ARHGEF7: variants seen among roughly 807,000 people sequenced by gnomAD.
The protein encoded by ARHGEF7 is PAK-interacting exchange factor beta.
A neutral mutation model predicts 109.8 loss-of-function variants in ARHGEF7; 33 were observed. That is an observed-to-expected ratio of 0.30 (90% CI 0.23 to 0.40). The LOEUF (loss-of-function observed/expected upper bound fraction) is 0.40. ARHGEF7 is among the 10% of genes least tolerant of loss of function. The pLI, the probability that ARHGEF7 is intolerant of heterozygous loss-of-function variation, is 1.00. For missense variants in ARHGEF7, 938 were observed against 1,098.5 expected (o/e 0.85, Z 2.07); for synonymous variants, 458 against 424.6 (o/e 1.08, Z -0.97).
At chr13:111,294,466 A>C in intron 19 of ARHGEF7, 1 of 985,422 alleles carries the variant, frequency 1.0e-6, no homozygotes, top group Non-Finnish European at 1.2e-6. Flanking sequence ...TATTCTATAC[A>C]CCAAAGTTTT....
intron 19 of ARHGEF7, chr13:111,294,315 AGC>A: frequency 2.0e-6 from 2 of 985,500 alleles, no homozygotes; most frequent in Non-Finnish European, 2.4e-6. Flanking sequence ...GCACTGGCTA[AGC>A]TGCCTTTGCC....
intron 8 of ARHGEF7, among the ~76,000 whole-genome samples, chr13:111,261,216 A>G (rs1288944069): frequency 6.6e-6 from 1 of 152,116 alleles, no homozygotes; most frequent in Non-Finnish European, 1.5e-5. Flanking sequence ...AAAAAACCAA[A>G]AAGACAAAAA....
chr13:111,221,943 G>A (rs986669788), intron 5 of ARHGEF7, among the ~76,000 whole-genome samples: 1 of 152,118 alleles, frequency 6.6e-6, no homozygotes, highest in Non-Finnish European at 1.5e-5. Flanking sequence ...TGATGTTTGA[G>A]GGCAAGAAGC....
intron 18 of ARHGEF7, among the ~76,000 whole-genome samples, chr13:111,291,365 C>T (rs1380679229): frequency 6.6e-6 from 1 of 152,276 alleles, no homozygotes; most frequent in Non-Finnish European, 1.5e-5. Flanking sequence ...TCATGTCTCT[C>T]TTCCTGACAG....
rs2153565613 is a variant in ARHGEF7, at chr13:111,255,299, G to T, written c.950+11005G>T. On this transcript the variant is annotated intron_variant, in intron 8 of 21. Coordinates refer to ENST00000646102, the MANE Select transcript of ARHGEF7 (RefSeq NM_001354046.2). The surrounding 1 kb of genome is among the most constrained non-coding windows in gnomAD (Gnocchi z 4.1). ...AGGGTGGAAGCGGATACTGGGAGCT[G>T]CAGACTTCCCACCCGGCCTACTGCA... 6.6e-6 allele frequency among the ~76,000 whole-genome samples: 1 copy of T among 152,348 alleles called. No homozygotes were observed. Among genetic ancestry groups the T allele is most frequent in the Admixed American group, 6.5e-5 (1 of 15,304 alleles).
chr13:111,156,883 G>A (rs778606585), intron 2 of ARHGEF7, among the ~76,000 whole-genome samples: 11 of 152,200 alleles, frequency 7.2e-5, no homozygotes, highest in Non-Finnish European at 1.5e-4. Context: ...AAATGTCAAG[G>A]TGCTTTTCTT....
intron 4 of ARHGEF7, among the ~76,000 whole-genome samples, chr13:111,210,997 T>C (rs1296053187): frequency 6.6e-6 from 1 of 152,092 alleles, no homozygotes; most frequent in Non-Finnish European, 1.5e-5. Context: ...GTGTGAAAAA[T>C]GGAAAGATAT....
chr13:111,125,341 T>C (rs2067486380), intron 1 of ARHGEF7, among the ~76,000 whole-genome samples: 1 of 151,638 alleles, frequency 6.6e-6, no homozygotes, highest in Non-Finnish European at 1.5e-5. Flanking sequence ...TTTTTCTTGT[T>C]GCTTGGTATT....
chr13:111,283,347 C>G lies in ARHGEF7; in HGVS notation c.1934C>G (p.Ala645Gly). The change falls in exon 16 of 22, where the codon GCT (alanine) becomes GGT (glycine). Residue 645 changes from alanine to glycine, a missense_variant. Physicochemically the swap from Ala to Gly is moderately conservative, Grantham distance 60. This residue lies in a region of ARHGEF7 where 585 missense variants were observed against 723.6 expected (regional missense o/e 0.81). Coordinates refer to ENST00000646102, the MANE Select transcript of ARHGEF7 (RefSeq NM_001354046.2). Reference sequence around the variant, plus strand: ...GCGCCTCCCCTCCGGCCCTCAGCTGCTCTCTGCTACAAGGAGGTGAGGTCC... The same window carrying G: ...GCGCCTCCCCTCCGGCCCTCAGCTGGTCTCTGCTACAAGGAGGTGAGGTCC... ...RPAPPLRPSA[A>G]LCYKEDLSKS... The G allele has an allele frequency of 6.5e-7, 1 of 1,547,440 alleles. No individual in the cohort carries two copies. Among genetic ancestry groups the G allele is most frequent in the Non-Finnish European group, 8.7e-7 (1 of 1,150,220 alleles).
At chr13:111,153,528 G>C (rs989457194) in intron 1 of ARHGEF7, 2 of 753,128 alleles carry the variant, frequency 2.7e-6, no homozygotes, top group African/African-American at 3.8e-5. Context: ...CCCAGCACTG[G>C]GCCAGAGGAG....
intron 18 of ARHGEF7, among the ~76,000 whole-genome samples, chr13:111,290,536 C>A (rs1457398205): frequency 1.3e-5 from 2 of 152,082 alleles, no homozygotes; most frequent in African/African-American, 4.8e-5. Context: ...TGGGTGAGGG[C>A]CGACTGAGGG....
intron 1 of ARHGEF7, among the ~76,000 whole-genome samples, chr13:111,120,096 G>A (rs1377658468): frequency 6.6e-6 from 1 of 152,198 alleles, no homozygotes; most frequent in Non-Finnish European, 1.5e-5. Context: ...TTCCAGAATA[G>A]TGAATTTTGC....
intron 5 of ARHGEF7, among the ~76,000 whole-genome samples, chr13:111,231,721 G>A (rs2086084343): frequency 6.6e-6 from 1 of 152,174 alleles, no homozygotes; most frequent in Non-Finnish European, 1.5e-5. Context: ...GTGGATGGGG[G>A]ACGCATGGGA....
At chr13:111,197,362 A>G (rs1418481120) in intron 2 of ARHGEF7, among the ~76,000 whole-genome samples, 1 of 152,160 alleles carries the variant, frequency 6.6e-6, no homozygotes, top group African/African-American at 2.4e-5. Context: ...GGTTGGATTT[A>G]GTGGCCCTTA....
rs747680286 is a variant in ARHGEF7 at position 111,267,634 on chromosome 13, A to G, written c.1037A>G (p.Asn346Ser). 2.6e-5 allele frequency: 42 copies of G among 1,614,066 alleles called. No homozygotes were observed. The East Asian group carries it at 5.3e-4, about 21-fold the overall frequency. ...ACCCTGTACCTCACGTATTGTGCCA[A>G]TCACCCTTCTGCAGTGAATGTCCTC... ...MKTLYLTYCA[N>S]HPSAVNVLTE... Residue 346 changes from asparagine (N) to serine (S), a missense_variant, in exon 9 of 22, where the codon AAT (asparagine) becomes AGT (serine). Physicochemically the swap from Asn to Ser is conservative, Grantham distance 46. This residue lies in a region of ARHGEF7 where 585 missense variants were observed against 723.6 expected (regional missense o/e 0.81). Transcript: ENST00000646102.
intron 19 of ARHGEF7, among the ~76,000 whole-genome samples, chr13:111,299,178 C>T (rs1406901379): frequency 6.6e-6 from 1 of 152,164 alleles, no homozygotes; most frequent in Non-Finnish European, 1.5e-5. Flanking sequence ...GGCCAGTGAG[C>T]TCCAGGCCTG....
intron 8 of ARHGEF7, among the ~76,000 whole-genome samples, chr13:111,248,177 G>A (rs974928265): frequency 2.6e-5 from 4 of 151,916 alleles, no homozygotes; most frequent in African/African-American, 9.7e-5. Flanking sequence ...CTGAACTCTG[G>A]GTAACAGATT....
chr13:111,244,438 A>C, intron 8 of ARHGEF7, 144 bp downstream of exon 8: 1 of 598,674 alleles, frequency 1.7e-6, no homozygotes, highest in Non-Finnish European at 2.9e-6. Context: ...CAGCTTTTAC[A>C]GTAAAAGCTG....
Position 111,181,226 on chromosome 13 carries a change from G to A in ARHGEF7, c.253-24063G>A, listed in dbSNP as rs184788400. Among the ~76,000 whole-genome samples the A allele has an allele frequency of 1.9e-3, 294 of 152,302 alleles. 3 individuals carry two copies. Among genetic ancestry groups the A allele is most frequent in the Non-Finnish European group, 1.7e-3 (114 of 68,030 alleles). The stretch of plus-strand genomic sequence containing the variant: ...AAGAGTTTGAACATTGATCACATGG[G>A]GGTCTTAGAAGGATCAGGACAAGGG... On this transcript the variant is annotated intron_variant, in intron 2 of 21. Transcript: ENST00000646102.
Sources: gnomAD v4.1 joint callset for allele counts (sites outside exome capture counted in the v4.1 genomes callset) on GRCh38, gnomAD v4.1.1 for gene constraint, gnomAD v4.1.1 regional missense constraint, Gnocchi (gnomAD v3.1) non-coding constraint, MANE v1.5 for transcripts, NCBI Gene and HGNC (gene_info 2026-07-23, HGNC 2026-07-21) for gene names.